The following PCDHA6 variants were observed in gnomAD, a reference collection of about 807,000 sequenced individuals.
The protein encoded by PCDHA6 is protocadherin alpha-6.
PCDHA6 carries 55 observed loss-of-function variants against 60.3 expected under a neutral mutation model. The observed-to-expected ratio is 0.91, with a 90% CI of 0.73 to 1.14. The LOEUF (loss-of-function observed/expected upper bound fraction) is 1.14, where lower values mean the gene tolerates loss of function less well. Ranked by LOEUF, PCDHA6 falls within the 50% of genes most tolerant of loss-of-function variation. The pLI is 0.00. For synonymous variants in PCDHA6, 652 were observed against 557.9 expected, an observed-to-expected ratio of 1.17 and a Z score of -2.38; for missense variants, 1,327 against 1,256.5, an observed-to-expected ratio of 1.06 and a Z score of -0.85.
intron 1 of PCDHA6, among the ~76,000 whole-genome samples, chr5:140,949,848 C>T (rs534650997): frequency 2.2e-4 from 34 of 151,738 alleles, no homozygotes; most frequent in African/African-American, 6.0e-4. Flanking sequence ...CTTCTGTTTC[C>T]GCTTATCTGT....
chr5:140,863,474 G>A (rs1440662117), intron 1 of PCDHA6: 3 of 480,748 alleles, frequency 6.2e-6, no homozygotes, highest in African/African-American at 2.0e-5. Context: ...CTGGAGAGTC[G>A]CCTCCCAAGG....
chr5:140,899,717 C>T (rs2153464993), intron 1 of PCDHA6, among the ~76,000 whole-genome samples: 1 of 152,322 alleles, frequency 6.6e-6, no homozygotes, highest in South Asian at 2.1e-4. Context: ...GGAGGATTCC[C>T]TCTTTTTCTA....
rs1166477260 is a variant in PCDHA6, at chr5:140,843,587, C to T, written c.2394+13102C>T. 5 of 1,596,096 alleles carry T rather than the reference C, an allele frequency of 3.1e-6. 1 individual carries two copies. In the East Asian group the frequency reaches 6.7e-5, roughly 21 times the overall value. The stretch of plus-strand genomic sequence containing the variant: ...CTGGTCATACTCGCAACAACAGCCG[C>T]AGAGGGTGTGCTCTGGTGAGGGGCC... On this transcript the variant is annotated intron_variant, in intron 1 of 3. Coordinates refer to ENST00000529310, the MANE Select transcript of PCDHA6 (RefSeq NM_018909.4).
chr5:140,925,641 T>TATAATAATA (rs10569930), intron 1 of PCDHA6, among the ~76,000 whole-genome samples: 4,530 of 143,294 alleles, frequency 0.032, 85 homozygotes, highest in Middle Eastern at 0.043. Flanking sequence ...GAACTTAAAG[T>TATAATAATA]ATAATAATAA....
At chr5:140,838,077 AGTGTGTGTGTGTGTGTGTGTGT>A (rs57130401) in intron 1 of PCDHA6, among the ~76,000 whole-genome samples, 4 of 80,664 alleles carry the variant, frequency 5.0e-5, no homozygotes, top group Admixed American at 1.2e-4. Flanking sequence ...ATATATATAT[AGTGTGTGTGTGTGTGTGTGTGT>A]GTGTGTGTGT....
intron 1 of PCDHA6, chr5:140,841,926 G>C (rs1490008187): frequency 6.2e-7 from 1 of 1,613,806 alleles, no homozygotes; most frequent in African/African-American, 1.3e-5. Context: ...TCCTTGGACA[G>C]AGAGGACGCT....
Position 140,950,516 on chromosome 5 carries a change from G to A in PCDHA6, c.2395-28433G>A, listed in dbSNP as rs184772904. ...ATTTAAGTCATTATTCCCTGTGTGCGATATGATTGTTTTTGTTGCTCTTGC... is the reference window on the plus strand; with the variant it reads ...ATTTAAGTCATTATTCCCTGTGTGCAATATGATTGTTTTTGTTGCTCTTGC... On this transcript the variant is annotated intron_variant, in intron 1 of 3. Coordinates refer to ENST00000529310, the MANE Select transcript of PCDHA6 (RefSeq NM_018909.4). Among the ~76,000 whole-genome samples, 6 of 152,110 alleles carry A rather than the reference G, an allele frequency of 3.9e-5. No individual in the cohort carries two copies. The East Asian group carries it at 9.6e-4, about 24-fold the overall frequency.
chr5:140,906,877 A>G (rs1361751716), intron 1 of PCDHA6, among the ~76,000 whole-genome samples: 1 of 152,122 alleles, frequency 6.6e-6, no homozygotes, highest in Non-Finnish European at 1.5e-5. Context: ...CAACACTGTA[A>G]CTTCCTTCTT....
intron 1 of PCDHA6, chr5:140,857,539 G>T (rs782469087): frequency 6.3e-7 from 1 of 1,597,270 alleles, no homozygotes; most frequent in African/African-American, 1.3e-5. Flanking sequence ...TGGAGCGGCG[G>T]TTGGGCGAGC....
chr5:140,881,886 C>G (rs2058857922), intron 1 of PCDHA6, among the ~76,000 whole-genome samples: 1 of 152,170 alleles, frequency 6.6e-6, no homozygotes, highest in African/African-American at 2.4e-5. Flanking sequence ...AACTCATCAA[C>G]CAATTGTCAG....
chr5:140,915,281 C>T (rs1554196839), intron 1 of PCDHA6, among the ~76,000 whole-genome samples: 2 of 152,090 alleles, frequency 1.3e-5, no homozygotes, highest in Non-Finnish European at 2.9e-5. Flanking sequence ...TCATCATTTA[C>T]TCTTTCTACT....
At chr5:140,868,767 C>A in intron 1 of PCDHA6, 1 of 249,464 alleles carries the variant, frequency 4.0e-6, no homozygotes, top group East Asian at 8.4e-5. Context: ...TATTTAGTTT[C>A]AATATGACTT....
At chr5:140,893,261 C>T (rs2063902016) in intron 1 of PCDHA6, among the ~76,000 whole-genome samples, 1 of 152,104 alleles carries the variant, frequency 6.6e-6, no homozygotes, top group Non-Finnish European at 1.5e-5. Context: ...TGGATAAATG[C>T]CCAATAGTGG....
chr5:140,882,152 GA>G, intron 1 of PCDHA6: 1 of 1,505,314 alleles, frequency 6.6e-7, no homozygotes, highest in East Asian at 2.3e-5. Flanking sequence ...GCAGAAAGCG[GA>G]ATACCTCTTG....
In PCDHA6 at chr5:140,902,128, A is replaced by G. The variant is rs140093707; in HGVS notation, c.2394+71643A>G. 5.8e-3 allele frequency among the ~76,000 whole-genome samples: 872 copies of G among 150,980 alleles called. 10 individuals carry two copies. The highest frequency in any genetic ancestry group is 0.019 in the African/African-American group (793 of 41,220). ...ATTTTTTTAAAACTGAGATTATATCATCTGCAAACAAGGATAATTTGATTT... is the reference window on the plus strand; with the variant it reads ...ATTTTTTTAAAACTGAGATTATATCGTCTGCAAACAAGGATAATTTGATTT... On this transcript the variant is annotated intron_variant, in intron 1 of 3. Coordinates refer to ENST00000529310, the MANE Select transcript of PCDHA6 (RefSeq NM_018909.4).
At chr5:140,882,971 G>C in intron 1 of PCDHA6, 1 of 1,614,206 alleles carries the variant, frequency 6.2e-7, no homozygotes, top group Non-Finnish European at 8.5e-7. Flanking sequence ...GATTCTGGAC[G>C]TGAATGACAA....
intron 1 of PCDHA6, among the ~76,000 whole-genome samples, chr5:140,879,038 AAGAT>A (rs2057824267): frequency 6.6e-6 from 1 of 152,380 alleles, no homozygotes; most frequent in Admixed American, 6.5e-5. Flanking sequence ...AGTGTCTTGA[AAGAT>A]AGACAACATT....
intron 1 of PCDHA6, among the ~76,000 whole-genome samples, chr5:140,902,174 T>C (rs1191904492): frequency 1.3e-5 from 2 of 151,720 alleles, no homozygotes; most frequent in Non-Finnish European, 2.9e-5. Context: ...AATTTGGATG[T>C]CCTTTATGTC....
At chr5:140,862,414 C>T in intron 1 of PCDHA6, 2 of 351,200 alleles carry the variant, frequency 5.7e-6, no homozygotes, top group South Asian at 2.2e-5. Flanking sequence ...CTTCAAAAGG[C>T]GCTGCCCAGA....
Sources: gnomAD v4.1 joint callset for allele counts (sites outside exome capture counted in the v4.1 genomes callset) on GRCh38, gnomAD v4.1.1 for gene constraint, MANE v1.5 for transcripts, NCBI Gene and HGNC (gene_info 2026-07-23, HGNC 2026-07-21) for gene names.